The following IMPG2 variants were observed in gnomAD, a reference collection of about 807,000 sequenced individuals.
The protein encoded by IMPG2 is interphotoreceptor matrix proteoglycan 2, also known as IPM 200.
IMPG2 carries 91 observed loss-of-function variants against 129.2 expected under a neutral mutation model. The observed-to-expected ratio is 0.70, with a 90% CI of 0.59 to 0.84. IMPG2 has a LOEUF of 0.84. Among genes scored for constraint, IMPG2 ranks in the 40% least tolerant of loss-of-function variants. The probability of loss-of-function intolerance (pLI) is 0.00; values close to 1 mark genes in which losing one functional copy is unlikely to be tolerated. For missense variants in IMPG2, 1,430 were observed against 1,461.7 expected (o/e 0.98, Z 0.35); for synonymous variants, 510 against 517.7 (o/e 0.99, Z 0.20).
intron 9 of IMPG2, among the ~76,000 whole-genome samples, chr3:101,259,722 G>T (rs1254612523): frequency 6.6e-6 from 1 of 152,072 alleles, no homozygotes; most frequent in Non-Finnish European, 1.5e-5. Flanking sequence ...TTACTAGTTA[G>T]TGGAAAGCTT....
rs73863023 is a variant in IMPG2, at chr3:101,226,709, T to C, written c.*260A>G. 3.6e-3 allele frequency: 1,630 copies of C among 447,870 alleles called. 30 individuals carry two copies. Among genetic ancestry groups the C allele is most frequent in the African/African-American group, 0.029 (1,466 of 49,808 alleles). 27.7% of individuals were successfully genotyped at this position (447,870 alleles called of 1,614,324 possible). On this transcript the variant is annotated 3_prime_UTR_variant, in exon 19 of 19. Coordinates refer to ENST00000193391, the MANE Select transcript of IMPG2 (RefSeq NM_016247.4). ...AAATCCTAGGTCCAGCTTTTTCTTA[T>C]AGAATACTTTCCAGAGTTTACGTAG...
chr3:101,256,179 AAG>A (rs1706602506), intron 10 of IMPG2, among the ~76,000 whole-genome samples: 1 of 149,848 alleles, frequency 6.7e-6, no homozygotes, highest in South Asian at 2.1e-4. Context: ...GAAAGAAAGA[AAG>A]AAAGAAAGAA....
intron 9 of IMPG2, 45 bp from the exon 10 acceptor site, chr3:101,257,818 A>G: frequency 6.2e-7 from 1 of 1,608,254 alleles, no homozygotes; most frequent in Non-Finnish European, 8.5e-7. Context: ...CTAAGGAAGC[A>G]CAAAGAAAGG....
At chr3:101,285,664 A>G (rs1706938793) in intron 4 of IMPG2, among the ~76,000 whole-genome samples, 1 of 152,212 alleles carries the variant, frequency 6.6e-6, no homozygotes, top group Non-Finnish European at 1.5e-5. Context: ...TGTCTAATAT[A>G]AAGTAGTTAC....
chr3:101,232,245 A>AT (rs971904627), intron 15 of IMPG2, among the ~76,000 whole-genome samples: 28 of 146,460 alleles, frequency 1.9e-4, no homozygotes, highest in African/African-American at 4.3e-4. Context: ...TTTATTTTTT[A>AT]TTTTTTTTTG....
At chr3:101,290,485 G>A (rs1672562759) in intron 4 of IMPG2, among the ~76,000 whole-genome samples, 1 of 151,886 alleles carries the variant, frequency 6.6e-6, no homozygotes, top group African/African-American at 2.4e-5. Flanking sequence ...CTCCAGCCTG[G>A]GCGACAGAGC....
intron 6 of IMPG2, among the ~76,000 whole-genome samples, chr3:101,274,885 G>T (rs1028454296): frequency 6.6e-6 from 1 of 152,040 alleles, no homozygotes; most frequent in Non-Finnish European, 1.5e-5. Flanking sequence ...ATTGATTCGG[G>T]TATCCACTCT....
intron 9 of IMPG2, among the ~76,000 whole-genome samples, chr3:101,258,232 G>C (rs1421634593): frequency 6.6e-6 from 1 of 151,994 alleles, no homozygotes; most frequent in Non-Finnish European, 1.5e-5. Flanking sequence ...GTTATTTATT[G>C]TGGTAGGAAA....
intron 4 of IMPG2, among the ~76,000 whole-genome samples, chr3:101,291,139 C>T (rs1301673805): frequency 6.6e-6 from 1 of 152,178 alleles, no homozygotes; most frequent in Non-Finnish European, 1.5e-5. Flanking sequence ...AAACTATTCT[C>T]CACTGTGGTG....
At chr3:101,262,082 A>C (rs1344430328) in intron 9 of IMPG2, among the ~76,000 whole-genome samples, 2 of 152,100 alleles carry the variant, frequency 1.3e-5, no homozygotes, top group African/African-American at 4.8e-5. Context: ...TTTGATGCAT[A>C]TATTTTTAAA....
At chr3:101,297,128 T>G (rs1481282638) in intron 3 of IMPG2, among the ~76,000 whole-genome samples, 1 of 152,154 alleles carries the variant, frequency 6.6e-6, no homozygotes, top group Non-Finnish European at 1.5e-5. Flanking sequence ...CGGGATGGTC[T>G]CGATCTCCTG....
intron 3 of IMPG2, among the ~76,000 whole-genome samples, chr3:101,295,005 A>C (rs1247385563): frequency 6.6e-6 from 1 of 152,118 alleles, no homozygotes; most frequent in African/African-American, 2.4e-5. Flanking sequence ...GGTAGATTGC[A>C]AAATTTTCTC....
At chr3:101,294,116 G>A (rs1222753674) in intron 3 of IMPG2, among the ~76,000 whole-genome samples, 1 of 152,148 alleles carries the variant, frequency 6.6e-6, no homozygotes, top group East Asian at 1.9e-4. Context: ...GGATACAAGT[G>A]TAGAATGTGT....
chr3:101,307,703 G>T (rs1199417182), intron 2 of IMPG2, among the ~76,000 whole-genome samples: 1 of 152,170 alleles, frequency 6.6e-6, no homozygotes, highest in Non-Finnish European at 1.5e-5. Flanking sequence ...ATGAGATTTT[G>T]GGTGGGGATA....
At chr3:101,296,013 T>C (rs1003093313) in intron 3 of IMPG2, among the ~76,000 whole-genome samples, 2 of 152,048 alleles carry the variant, frequency 1.3e-5, no homozygotes, top group Non-Finnish European at 2.9e-5. Context: ...GCAATCAGAG[T>C]CAATTTGACT....
chr3:101,283,411 T>C (rs554912395), intron 4 of IMPG2, among the ~76,000 whole-genome samples: 100 of 152,314 alleles, frequency 6.6e-4, no homozygotes, highest in Non-Finnish European at 2.1e-4. Context: ...GCCCCTGTAG[T>C]TTTTATTGAG....
At chr3:101,262,098 A>T (rs929293298) in intron 9 of IMPG2, among the ~76,000 whole-genome samples, 10 of 152,138 alleles carry the variant, frequency 6.6e-5, no homozygotes, top group South Asian at 2.1e-4. Flanking sequence ...TTAAAAAATT[A>T]AAAATAGTGC....
chr3:101,252,507 A>G (rs1439452324), intron 11 of IMPG2, among the ~76,000 whole-genome samples: 1 of 152,174 alleles, frequency 6.6e-6, no homozygotes, highest in African/African-American at 2.4e-5. Flanking sequence ...AAATCTGTCT[A>G]CTACCACCAG....
chr3:101,229,300 ACCCC>A, intron 17 of IMPG2, 76 bp downstream of exon 17: 1 of 859,106 alleles, frequency 1.2e-6, no homozygotes, highest in East Asian at 2.9e-5. Flanking sequence ...ACTCATACAC[ACCCC>A]CACCCACCAC....
Sources: allele counts gnomAD v4.1 joint callset (sites outside exome capture counted in the v4.1 genomes callset), GRCh38; gene constraint gnomAD v4.1.1; transcripts MANE v1.5; gene names NCBI Gene and HGNC (gene_info 2026-07-23, HGNC 2026-07-21).